Variants in MPV17L observed in about 807,000 individuals in gnomAD.
MPV17L encodes the protein MPV17 mitochondrial inner membrane protein like.
A neutral mutation model predicts 25.8 loss-of-function variants in MPV17L; 24 were observed. The ratio of observed to expected loss-of-function variants is 0.93; its 90% confidence interval spans 0.67 to 1.31. The LOEUF (loss-of-function observed/expected upper bound fraction) is 1.31. MPV17L is among the 50% of genes most tolerant of loss of function. MPV17L has a pLI of 0.00. For synonymous variants in MPV17L, 102 were observed against 115.3 expected, an observed-to-expected ratio of 0.88 and a Z score of 0.74; for missense variants, 250 against 265.6, an observed-to-expected ratio of 0.94 and a Z score of 0.41.
intron 2 of MPV17L, among the ~76,000 whole-genome samples, chr16:15,401,081 T>G (rs71376067): frequency 2.3e-5 from 1 of 42,808 alleles, no homozygotes; most frequent in Non-Finnish European, 5.2e-5. Context: ...TATATATATA[T>G]ATATATTTTT....
chr16:15,407,227 C>G (rs2050688329), intron 2 of MPV17L, among the ~76,000 whole-genome samples: 1 of 152,094 alleles, frequency 6.6e-6, no homozygotes, highest in Non-Finnish European at 1.5e-5. Context: ...GGTACTGATT[C>G]TAGTAGACTT....
intron 2 of MPV17L, among the ~76,000 whole-genome samples, chr16:15,407,570 C>T (rs2050692487): frequency 6.6e-6 from 1 of 151,846 alleles, no homozygotes; most frequent in South Asian, 2.1e-4. Context: ...GGTGAAAACC[C>T]GTCTCTACTA....
chr16:15,400,568 C>CT (rs1187972460), intron 1 of MPV17L, among the ~76,000 whole-genome samples: 2 of 151,982 alleles, frequency 1.3e-5, no homozygotes, highest in East Asian at 3.9e-4. Flanking sequence ...AGGCTGGTCT[C>CT]TTAACTCCTG....
Position 15,408,383 on chromosome 16 carries a change from T to C in MPV17L, c.*271T>C. 3.4e-6 allele frequency: 1 copy of C among 292,160 alleles called. No homozygotes were observed. The highest frequency in any genetic ancestry group is 6.3e-6 in the Non-Finnish European group (1 of 159,060). 18.1% of individuals were successfully genotyped at this position (292,160 alleles called of 1,614,324 possible). A position where few individuals can be genotyped will look rare whatever the true frequency, so the allele number is the denominator to read the frequency against. The stretch of plus-strand genomic sequence containing the variant: ...ATTTTAGAATTATTAATATTTCTAA[T>C]ATTTTAACACAAGTTTCAGGAAACT... On this transcript the variant is annotated 3_prime_UTR_variant, in exon 4 of 4. Coordinates refer to ENST00000396385, the MANE Select transcript of MPV17L (RefSeq NM_001128423.2).
Position 15,399,882 on chromosome 16 carries a change from GC to G in MPV17L, c.311-904del, listed in dbSNP as rs538541334. Among the ~76,000 whole-genome samples the G allele has an allele frequency of 1.7e-3, 251 of 152,096 alleles. 1 individual carries two copies. Among genetic ancestry groups the G allele is most frequent in the Non-Finnish European group, 2.8e-3 (190 of 68,002 alleles). ...TGTAGTGGTACAATCTTGGCTCACC[GC>G]AACCTCCACTTCCTGGGTTCAAGCG... is the stretch of plus-strand genomic sequence containing the variant. On this transcript the variant is annotated intron_variant, in intron 1 of 3. Transcript: ENST00000396385.
At chr16:15,405,372 A>G (rs2050671486) in intron 2 of MPV17L, among the ~76,000 whole-genome samples, 1 of 150,572 alleles carries the variant, frequency 6.6e-6, no homozygotes, top group African/African-American at 2.4e-5. Flanking sequence ...CGTCTGTATT[A>G]AGAAAAAAAA....
intron 1 of MPV17L, among the ~76,000 whole-genome samples, chr16:15,397,711 A>G (rs2050599432): frequency 6.6e-6 from 1 of 152,176 alleles, no homozygotes; most frequent in South Asian, 2.1e-4. Flanking sequence ...ACCATCTTGA[A>G]GAAACCTACC....
intron 1 of MPV17L, 125 bp from the exon 2 acceptor site, chr16:15,400,662 C>T: frequency 5.3e-6 from 3 of 569,700 alleles, no homozygotes; most frequent in Non-Finnish European, 8.4e-6. Flanking sequence ...ACTGTTGGGT[C>T]AGAGGGTCAT....
At chr16:15,400,087 G>A (rs1598423311) in intron 1 of MPV17L, among the ~76,000 whole-genome samples, 1 of 152,276 alleles carries the variant, frequency 6.6e-6, no homozygotes, top group East Asian at 1.9e-4. Flanking sequence ...ACAGGCATGA[G>A]CCACGCGCCC....
In MPV17L at chr16:15,412,914, A is replaced by G. The variant is rs1352358541; in HGVS notation, c.*4802A>G. ...AATTTCTAACTCATACATCATTGCT[A>G]TAAACCTTATTTGTTTACTGTTTCT... On this transcript the variant is annotated 3_prime_UTR_variant, in exon 4 of 4. Coordinates refer to ENST00000396385, the MANE Select transcript of MPV17L (RefSeq NM_001128423.2). 1 of 152,056 alleles carries G rather than the reference A, an allele frequency of 6.6e-6. No individual in the cohort carries two copies. The highest frequency in any genetic ancestry group is 1.5e-5 in the Non-Finnish European group (1 of 68,004). 9.4% of individuals were successfully genotyped at this position (152,056 alleles called of 1,614,324 possible). A position where few individuals can be genotyped will look rare whatever the true frequency, so the allele number is the denominator to read the frequency against.
chr16:15,401,727 G>A (rs1208320309), intron 2 of MPV17L, among the ~76,000 whole-genome samples: 1 of 152,098 alleles, frequency 6.6e-6, no homozygotes, highest in Non-Finnish European at 1.5e-5. Context: ...GGCCGAGGCA[G>A]GAGAATCACT....
rs143277334 is a variant in MPV17L, at chr16:15,404,158, A to T, written c.381+3301A>T. 2.0e-5 allele frequency among the ~76,000 whole-genome samples: 3 copies of T among 152,266 alleles called. No homozygotes were observed. In the East Asian group the frequency reaches 5.8e-4, roughly 29 times the overall value. On this transcript the variant is annotated intron_variant, in intron 2 of 3. Transcript: ENST00000396385. ...TCTGAAGTTATGCACATACTGGGGGACAGGTCATTCCAGGGGCAGAAGAGC... is the reference window on the plus strand; with the variant it reads ...TCTGAAGTTATGCACATACTGGGGGTCAGGTCATTCCAGGGGCAGAAGAGC...
Position 15,407,915 on chromosome 16 carries a change from ACT to A in MPV17L, c.412-9_412-8del, listed in dbSNP as rs749257389. 4.3e-6 allele frequency: 7 copies of A among 1,612,776 alleles called. No individual in the cohort carries two copies. Among genetic ancestry groups the A allele is most frequent in the Admixed American group, 1.7e-5 (1 of 59,836 alleles). The stretch of plus-strand genomic sequence containing the variant: ...TTTGGTTTCCATGTGGCCCTAACGG[ACT>A]CTCTCTCTGTTCCAGCTGACCAACT... On this transcript the variant is annotated splice_polypyrimidine_tract_variant and intron_variant, in intron 3 of 3. Transcript: ENST00000396385.
At chr16:15,402,468 C>A (rs1435994349) in intron 2 of MPV17L, among the ~76,000 whole-genome samples, 2 of 152,106 alleles carry the variant, frequency 1.3e-5, no homozygotes, top group Non-Finnish European at 2.9e-5. Context: ...TGGTACCAGG[C>A]CCCTGAGCCA....
Position 15,408,180 on chromosome 16 carries a change from A to C in MPV17L, c.*68A>C, listed in dbSNP as rs2050699638. ...AATGCACAGAATTGCCTGCAGACAA[A>C]ATATTTGATGTGCCAATTATGCACT... On this transcript the variant is annotated 3_prime_UTR_variant, in exon 4 of 4. Transcript: ENST00000396385. 8.0e-7 allele frequency: 1 copy of C among 1,256,628 alleles called. No individual in the cohort carries two copies. Among genetic ancestry groups the C allele is most frequent in the South Asian group, 1.4e-5 (1 of 69,520 alleles). The allele number at this position is 1,256,628 out of a possible 1,614,324, so 77.8% of individuals were successfully genotyped here.
At chr16:15,398,332 C>A (rs999356198) in intron 1 of MPV17L, among the ~76,000 whole-genome samples, 1 of 151,978 alleles carries the variant, frequency 6.6e-6, no homozygotes, top group African/African-American at 2.4e-5. Context: ...CGTGAGCCCT[C>A]ACACTTGAGA....
At chr16:15,407,560 G>A (rs1264371347) in intron 2 of MPV17L, among the ~76,000 whole-genome samples, 1 of 151,992 alleles carries the variant, frequency 6.6e-6, no homozygotes, top group East Asian at 1.9e-4. Flanking sequence ...TGGCCAACAT[G>A]GTGAAAACCC....
rs916929257 is a variant in MPV17L, at chr16:15,409,531, G to A, written c.*1419G>A. The A allele has an allele frequency of 6.6e-6, 1 of 152,028 alleles. No homozygotes were observed. The highest frequency in any genetic ancestry group is 2.4e-5 in the African/African-American group (1 of 41,390). The allele number at this position is 152,028 out of a possible 1,614,324, so 9.4% of individuals were successfully genotyped here. The stretch of plus-strand genomic sequence containing the variant: ...CTCCCCACCCTTGAGAATGTACTTT[G>A]TGAGATCCACCCCTGCCCGCAAAAC... On this transcript the variant is annotated 3_prime_UTR_variant, in exon 4 of 4. Coordinates refer to ENST00000396385, the MANE Select transcript of MPV17L (RefSeq NM_001128423.2).
At position 15,396,082 on chromosome 16, in the gene MPV17L, T is replaced by G; in HGVS notation, c.185T>G (p.Phe62Cys). 1 of 1,545,778 alleles carries G rather than the reference T, an allele frequency of 6.5e-7. No individual in the cohort carries two copies. Among genetic ancestry groups the G allele is most frequent in the Non-Finnish European group, 8.7e-7 (1 of 1,148,154 alleles). ...ATLVVTFHAN[F>C]NYVWLRLLER... is the part of the protein sequence containing the mutation. ...TTGGTGGTGACCTTCCACGCCAACTTCAACTACGTGTGGCTGCGCCTGCTG... is the reference window on the plus strand; with the variant it reads ...TTGGTGGTGACCTTCCACGCCAACTGCAACTACGTGTGGCTGCGCCTGCTG... The change falls in exon 1 of 4, where the codon TTC becomes TGC. Residue 62 changes from phenylalanine to cysteine, a missense_variant. Transcript: ENST00000396385.
Sources: gnomAD v4.1 joint callset for allele counts (sites outside exome capture counted in the v4.1 genomes callset) on GRCh38, gnomAD v4.1.1 for gene constraint, MANE v1.5 for transcripts, NCBI Gene and HGNC (gene_info 2026-07-23, HGNC 2026-07-21) for gene names.